The following MELK variants were observed in gnomAD, a reference collection of about 807,000 sequenced individuals.
MELK encodes pEg3 kinase.
Under a neutral mutation model 85.0 loss-of-function variants are expected in MELK, and 81 were observed. The observed-to-expected ratio is 0.95, with a 90% CI of 0.80 to 1.15. MELK has a LOEUF of 1.15. Among genes scored for constraint, MELK ranks in the 50% most tolerant of loss-of-function variants. MELK has a pLI of 0.00. For synonymous variants in MELK, 252 were observed against 265.0 expected (o/e 0.95, Z 0.48); for missense variants, 754 against 777.5 (o/e 0.97, Z 0.36).
At position 36,643,067 on chromosome 9, in the gene MELK, A is replaced by C; in HGVS notation, c.905A>C (p.Glu302Ala). 1 of 1,612,558 alleles carries C rather than the reference A, an allele frequency of 6.2e-7. No homozygotes were observed. Among genetic ancestry groups the C allele is most frequent in the Non-Finnish European group, 8.5e-7 (1 of 1,179,030 alleles). The change falls in exon 11 of 18, where the codon GAG (glutamate) becomes GCG (alanine). Residue 302 changes from glutamate (E) to alanine (A), a missense_variant. Coordinates refer to ENST00000298048, the MANE Select transcript of MELK (RefSeq NM_014791.4). ...CACAGAAACAACAGGCAAACAATGG[A>C]GGATTTAATTTCACTGGTAAGAAAT... is the stretch of plus-strand genomic sequence containing the variant. ...VHHRNNRQTM[E>A]DLISLWQYDH...
At chr9:36,649,546 A>G (rs1830507360) in intron 11 of MELK, among the ~76,000 whole-genome samples, 1 of 151,948 alleles carries the variant, frequency 6.6e-6, no homozygotes, top group Non-Finnish European at 1.5e-5. Flanking sequence ...CGGCAGGTGG[A>G]TCATTTGAGA....
intron 9 of MELK, 33 bp downstream of exon 9, chr9:36,630,400 T>G: frequency 6.5e-7 from 1 of 1,531,302 alleles, no homozygotes; most frequent in Middle Eastern, 1.7e-4. Context: ...AGAAGTCTAT[T>G]GTAATTGTTT....
chr9:36,666,246 A>G (rs1024386122), intron 14 of MELK, among the ~76,000 whole-genome samples: 2 of 152,182 alleles, frequency 1.3e-5, no homozygotes, highest in African/African-American at 2.4e-5. Flanking sequence ...ATTCTATTTG[A>G]TCAGACTGCC....
intron 8 of MELK, among the ~76,000 whole-genome samples, chr9:36,614,218 C>T (rs1269591116): frequency 3.3e-5 from 5 of 151,672 alleles, no homozygotes; most frequent in African/African-American, 1.2e-4. Flanking sequence ...GCCTCACCCT[C>T]CTGAGTAGCT....
intron 13 of MELK, among the ~76,000 whole-genome samples, chr9:36,662,377 G>A (rs375535996): frequency 6.6e-5 from 10 of 151,664 alleles, no homozygotes; most frequent in Admixed American, 1.3e-4. Context: ...CCAAGTAGCC[G>A]GGTTTACAGG....
chr9:36,640,942 T>TA (rs1252921687), intron 10 of MELK, among the ~76,000 whole-genome samples: 1 of 152,242 alleles, frequency 6.6e-6, no homozygotes, highest in East Asian at 1.9e-4. Flanking sequence ...AGCTTGTTGT[T>TA]ACAAGTGTGA....
At chr9:36,599,255 T>G in intron 6 of MELK, 139 bp from the exon 7 acceptor site, 1 of 497,600 alleles carries the variant, frequency 2.0e-6, no homozygotes, top group African/African-American at 2.1e-5. Flanking sequence ...GAGCCGAGAT[T>G]GCGCCATTGC....
chr9:36,612,153 T>A (rs1826120703), intron 8 of MELK, among the ~76,000 whole-genome samples: 1 of 152,050 alleles, frequency 6.6e-6, no homozygotes, highest in Non-Finnish European at 1.5e-5. Flanking sequence ...TGGAGTGCAA[T>A]GGCGCGATCT....
intron 7 of MELK, among the ~76,000 whole-genome samples, 172 bp from the exon 8 acceptor site, chr9:36,607,403 A>C (rs1335844889): frequency 6.6e-6 from 1 of 152,230 alleles, no homozygotes; most frequent in Non-Finnish European, 1.5e-5. Flanking sequence ...ACTTTAGGCA[A>C]GCCTCCTTAG....
At chr9:36,612,592 C>T (rs891862153) in intron 8 of MELK, among the ~76,000 whole-genome samples, 6 of 152,148 alleles carry the variant, frequency 3.9e-5, no homozygotes, top group Non-Finnish European at 8.8e-5. Context: ...ACCATGTTGG[C>T]CAGGCTGGTC....
At position 36,635,725 on chromosome 9, in the gene MELK, A is replaced by G. The variant is rs142220875; in HGVS notation, c.834+2525A>G. On this transcript the variant is annotated intron_variant, in intron 10 of 17. Coordinates refer to ENST00000298048, the MANE Select transcript of MELK (RefSeq NM_014791.4). ...CTAATATGCGTATATGTAAAAAAAC[A>G]TAAACAACACCAAGTGTTATTTAAG... is the stretch of plus-strand genomic sequence containing the variant. Among the ~76,000 whole-genome samples, 292 of 152,264 alleles carry G rather than the reference A, an allele frequency of 1.9e-3. 2 individuals carry two copies. The highest frequency in any genetic ancestry group is 6.6e-3 in the African/African-American group (273 of 41,548).
intron 5 of MELK, among the ~76,000 whole-genome samples, chr9:36,595,930 C>T (rs1824173241): frequency 3.3e-5 from 5 of 152,052 alleles, no homozygotes; most frequent in Non-Finnish European, 7.4e-5. Context: ...ATCCTCTTGC[C>T]TTAGCCTCCT....
intron 3 of MELK, among the ~76,000 whole-genome samples, chr9:36,584,440 C>T (rs575055355): frequency 6.6e-6 from 1 of 150,614 alleles, no homozygotes; most frequent in Non-Finnish European, 1.5e-5. Flanking sequence ...GCCTCAGCCT[C>T]CTGAGTAGCT....
intron 14 of MELK, among the ~76,000 whole-genome samples, 195 bp from the exon 15 acceptor site, chr9:36,669,115 A>T (rs925778539): frequency 6.6e-6 from 1 of 152,236 alleles, no homozygotes; most frequent in African/African-American, 2.4e-5. Context: ...CATACAAAGC[A>T]AAATGATTTT....
chr9:36,629,217 G>C (rs753113992), intron 8 of MELK, among the ~76,000 whole-genome samples: 9 of 152,148 alleles, frequency 5.9e-5, no homozygotes, highest in Non-Finnish European at 1.2e-4. Context: ...TATGTTCTAT[G>C]AATTACAGTT....
At chr9:36,666,464 A>C (rs563217649) in intron 14 of MELK, among the ~76,000 whole-genome samples, 142 of 152,328 alleles carry the variant, frequency 9.3e-4, no homozygotes, top group African/African-American at 3.0e-3. Context: ...TTATGTAATG[A>C]ATTAATAAAT....
chr9:36,668,391 G>GC (rs1214386324), intron 14 of MELK, among the ~76,000 whole-genome samples: 1 of 152,102 alleles, frequency 6.6e-6, no homozygotes, highest in Non-Finnish European at 1.5e-5. Flanking sequence ...TAGATCATGA[G>GC]CTAATCAGTA....
intron 6 of MELK, among the ~76,000 whole-genome samples, chr9:36,598,729 T>C (rs1433178840): frequency 6.6e-6 from 1 of 152,208 alleles, no homozygotes; most frequent in Non-Finnish European, 1.5e-5. Flanking sequence ...AAATAAATTT[T>C]TCCCCCCGGG....
At chr9:36,645,171 T>C (rs1830112836) in intron 11 of MELK, among the ~76,000 whole-genome samples, 2 of 146,810 alleles carry the variant, frequency 1.4e-5, no homozygotes, top group African/African-American at 2.6e-5. Flanking sequence ...GGCAGGAGAA[T>C]GGCTTGAACC....
Sources: gnomAD v4.1 joint callset for allele counts (sites outside exome capture counted in the v4.1 genomes callset) on GRCh38, gnomAD v4.1.1 for gene constraint, MANE v1.5 for transcripts, NCBI Gene and HGNC (gene_info 2026-07-23, HGNC 2026-07-21) for gene names.